KLHL32: variants seen among roughly 807,000 people sequenced by gnomAD.
KLHL32 encodes kelch like family member 32, also known as kelch-like protein 32.
Under a neutral mutation model 64.8 loss-of-function variants are expected in KLHL32, and 35 were observed. The ratio of observed to expected loss-of-function variants is 0.54; its 90% confidence interval spans 0.41 to 0.72. KLHL32 has a LOEUF of 0.72. Ranked by LOEUF, KLHL32 falls within the 30% of genes least tolerant of loss-of-function variation. The pLI is 0.00. For missense variants in KLHL32, 589 were observed against 768.5 expected (o/e 0.77, Z 2.76); for synonymous variants, 259 against 281.0 (o/e 0.92, Z 0.78).
At chr6:96,984,922 T>C (rs1776819521) in intron 3 of KLHL32, among the ~76,000 whole-genome samples, 1 of 152,206 alleles carries the variant, frequency 6.6e-6, no homozygotes, top group Non-Finnish European at 1.5e-5. Context: ...ATTATGATCT[T>C]AGCTGGTTAT....
chr6:97,126,010 C>T (rs1187940347), intron 7 of KLHL32, among the ~76,000 whole-genome samples: 1 of 152,084 alleles, frequency 6.6e-6, no homozygotes, highest in East Asian at 1.9e-4. Flanking sequence ...GGTCAAGGGG[C>T]CTAGAGTCAG....
At chr6:97,081,986 T>C (rs1302302992) in intron 5 of KLHL32, among the ~76,000 whole-genome samples, 1 of 152,222 alleles carries the variant, frequency 6.6e-6, no homozygotes, top group African/African-American at 2.4e-5. Flanking sequence ...ACAGTGTTAC[T>C]GAGTTTGGAC....
chr6:97,114,104 A>G lies in KLHL32; in HGVS notation c.949A>G (p.Asn317Asp). 6.2e-7 allele frequency: 1 copy of G among 1,614,190 alleles called. No individual in the cohort carries two copies. The highest frequency in any genetic ancestry group is 1.7e-5 in the Admixed American group (1 of 60,020). ...LRYFNPVDQE[N>D]ALIAAIANWS... is the part of the protein sequence containing the mutation. ...GTACTTCAATCCTGTTGATCAGGAGAATGCTCTCATAGCTGCCATTGCCAA... is the reference window on the plus strand; with the variant it reads ...GTACTTCAATCCTGTTGATCAGGAGGATGCTCTCATAGCTGCCATTGCCAA... The change falls in exon 7 of 11, where the codon AAT becomes GAT. Residue 317 changes from asparagine (N) to aspartate (D), a missense_variant. This residue lies in a region of KLHL32 where 226 missense variants were observed against 353.2 expected (regional missense o/e 0.64). Coordinates refer to ENST00000369261, the MANE Select transcript of KLHL32 (RefSeq NM_052904.4).
chr6:97,038,561 C>T (rs553014257), intron 3 of KLHL32, among the ~76,000 whole-genome samples: 4 of 151,886 alleles, frequency 2.6e-5, no homozygotes, highest in South Asian at 2.1e-4. Flanking sequence ...ACACTGTTGA[C>T]GGGAATAAAT....
intron 5 of KLHL32, among the ~76,000 whole-genome samples, chr6:97,080,428 A>T (rs1355500025): frequency 6.6e-6 from 1 of 152,268 alleles, no homozygotes; most frequent in Non-Finnish European, 1.5e-5. Flanking sequence ...TGTATTAAGC[A>T]TCTGCTCCCT....
intron 3 of KLHL32, among the ~76,000 whole-genome samples, chr6:96,984,092 T>C (rs1776698107): frequency 6.6e-6 from 1 of 152,238 alleles, no homozygotes. Flanking sequence ...TTTGTTCTCA[T>C]TGGTTTCAAA....
chr6:97,017,260 G>A (rs1013448617), intron 3 of KLHL32, among the ~76,000 whole-genome samples: 1 of 152,216 alleles, frequency 6.6e-6, no homozygotes, highest in Non-Finnish European at 1.5e-5. Context: ...AATAAGCAGA[G>A]CCAAGCTGGT....
intron 7 of KLHL32, among the ~76,000 whole-genome samples, chr6:97,126,650 C>A (rs1798905888): frequency 6.6e-6 from 1 of 151,964 alleles, no homozygotes; most frequent in African/African-American, 2.4e-5. Context: ...CTTATTGAAT[C>A]CTTGAAGCAT....
At chr6:97,109,651 C>T (rs565970710) in intron 6 of KLHL32, among the ~76,000 whole-genome samples, 18 of 152,174 alleles carry the variant, frequency 1.2e-4, no homozygotes, top group African/African-American at 4.3e-4. Flanking sequence ...GGAGGGTGTT[C>T]AGAGATGGGC....
chr6:96,958,857 A>G (rs1773572672), intron 1 of KLHL32, among the ~76,000 whole-genome samples: 1 of 152,128 alleles, frequency 6.6e-6, no homozygotes, highest in South Asian at 2.1e-4. Context: ...AGTTATGCAG[A>G]AGGCATGCAG....
chr6:97,041,575 T>C lies in KLHL32; in HGVS notation c.288T>C (p.Ala96=), dbSNP rs759764092. ...TGACCAGCCTTGGCTTAAAGCAGGC[T>C]CTGGAGTTTGCATACACAGGACAGG... is the stretch of plus-strand genomic sequence containing the variant. ...HGVTSLGLKQ[A]LEFAYTGQIL... Residue 96 remains alanine, a synonymous_variant, in exon 4 of 11, where the codon GCT becomes GCC. Coordinates refer to ENST00000369261, the MANE Select transcript of KLHL32 (RefSeq NM_052904.4). 2.5e-6 allele frequency: 4 copies of C among 1,612,602 alleles called. No individual in the cohort carries two copies. The highest frequency in any genetic ancestry group is 3.4e-6 in the Non-Finnish European group (4 of 1,178,794).
chr6:96,983,010 G>A (rs1472539992), intron 3 of KLHL32, among the ~76,000 whole-genome samples: 8 of 152,260 alleles, frequency 5.3e-5, no homozygotes, highest in African/African-American at 9.6e-5. Flanking sequence ...GATATTGGCC[G>A]TGGGTTTGTG....
At chr6:96,956,021 T>C (rs1311831682) in intron 1 of KLHL32, among the ~76,000 whole-genome samples, 1 of 152,182 alleles carries the variant, frequency 6.6e-6, no homozygotes, top group Non-Finnish European at 1.5e-5. Flanking sequence ...TTCCATGTCA[T>C]GTGGCTGGTG....
intron 7 of KLHL32, among the ~76,000 whole-genome samples, chr6:97,126,978 C>A (rs2128219660): frequency 6.6e-6 from 1 of 152,216 alleles, no homozygotes; most frequent in Non-Finnish European, 1.5e-5. Context: ...ATCAAGATAT[C>A]ACTGTGTTAG....
chr6:97,085,992 A>G (rs1793357225), intron 6 of KLHL32, among the ~76,000 whole-genome samples: 1 of 152,160 alleles, frequency 6.6e-6, no homozygotes, highest in African/African-American at 2.4e-5. Flanking sequence ...TCTTCTGCTC[A>G]TCCCCAGTGA....
chr6:96,963,503 C>T lies in KLHL32; in HGVS notation c.-65-3493C>T, dbSNP rs1774102223. ...AAACGGTACCCTGTGTTTAGAGCTACTCCTGCATCTGCTGGTTCTCAATGG... is the reference window on the plus strand; with the variant it reads ...AAACGGTACCCTGTGTTTAGAGCTATTCCTGCATCTGCTGGTTCTCAATGG... On this transcript the variant is annotated intron_variant, in intron 1 of 10. Transcript: ENST00000369261. Among the ~76,000 whole-genome samples, 4 of 152,174 alleles carry T rather than the reference C, an allele frequency of 2.6e-5. No homozygotes were observed. In the South Asian group the frequency reaches 8.3e-4, roughly 31 times the overall value.
At chr6:97,011,943 A>G (rs528130154) in intron 3 of KLHL32, among the ~76,000 whole-genome samples, 1 of 152,308 alleles carries the variant, frequency 6.6e-6, no homozygotes, top group East Asian at 1.9e-4. Flanking sequence ...AATCCCCCCA[A>G]TAATCCTTAA....
At chr6:96,921,395 C>A (rs574142286), upstream of KLHL32, among the ~76,000 whole-genome samples, 4 of 152,292 alleles carry the variant, frequency 2.6e-5, no homozygotes, top group Non-Finnish European at 5.9e-5. Context: ...GCGCTGGCTC[C>A]TGATGAATAG....
chr6:96,944,159 C>T (rs1012769514), intron 1 of KLHL32, among the ~76,000 whole-genome samples: 9 of 152,044 alleles, frequency 5.9e-5, no homozygotes, highest in South Asian at 4.1e-4. Flanking sequence ...ATTATTAAGA[C>T]GGTAATTACT....
Sources: allele counts gnomAD v4.1 joint callset (sites outside exome capture counted in the v4.1 genomes callset), GRCh38; gene constraint gnomAD v4.1.1; regional missense constraint gnomAD v4.1.1; transcripts MANE v1.5; gene names NCBI Gene and HGNC (gene_info 2026-07-23, HGNC 2026-07-21).